Variants in NRXN1 observed in about 807,000 individuals in gnomAD.
NRXN1 encodes neurexin 1.
Under a neutral mutation model 150.9 loss-of-function variants are expected in NRXN1, and 39 were observed. That is an observed-to-expected ratio of 0.26 (90% CI 0.20 to 0.34). The LOEUF is 0.34. NRXN1 is among the 10% of genes least tolerant of loss of function. The probability of loss-of-function intolerance (pLI) is 1.00; values close to 1 mark genes in which losing one functional copy is unlikely to be tolerated. For synonymous variants in NRXN1, 924 were observed against 757.0 expected (o/e 1.22, Z -3.62); for missense variants, 1,815 against 1,949.9 (o/e 0.93, Z 1.30).
At chr2:50,110,624 T>C (rs1396361605) in intron 18 of NRXN1, among the ~76,000 whole-genome samples, 1 of 152,152 alleles carries the variant, frequency 6.6e-6, no homozygotes, top group Non-Finnish European at 1.5e-5. Context: ...TGTGTGCGTA[T>C]GTGCGTGCAA....
intron 5 of NRXN1, among the ~76,000 whole-genome samples, chr2:50,864,925 C>G (rs1469944353): frequency 6.6e-6 from 1 of 152,080 alleles, no homozygotes; most frequent in Admixed American, 6.6e-5. Context: ...AACAAGTTCT[C>G]AGGGAAGGTC....
intron 17 of NRXN1, among the ~76,000 whole-genome samples, chr2:50,279,509 A>G (rs2071115172): frequency 6.6e-6 from 1 of 152,170 alleles, no homozygotes. Context: ...TGTCTGCCCC[A>G]GGATCATAAT....
chr2:50,652,594 T>G lies in NRXN1; in HGVS notation c.833-28979A>C, dbSNP rs7590532. Among the ~76,000 whole-genome samples the G allele has an allele frequency of 1.9e-3, 294 of 152,202 alleles. 1 individual carries two copies. The highest frequency in any genetic ancestry group is 6.6e-3 in the African/African-American group (274 of 41,566). On this transcript the variant is annotated intron_variant, in intron 5 of 22. Coordinates refer to ENST00000401669, the MANE Select transcript of NRXN1 (RefSeq NM_001330078.2). ...TACATTTTGCTTGCTCACTCATCAG[T>G]TGATGCACATCTGTGCTATTTCTAC...
chr2:50,496,679 T>G (rs1445399545), intron 14 of NRXN1, among the ~76,000 whole-genome samples: 2 of 152,198 alleles, frequency 1.3e-5, no homozygotes, highest in Non-Finnish European at 2.9e-5. Context: ...TGTTGGTGTG[T>G]GTGGGTATGA....
At chr2:50,276,060 A>C (rs2152927201) in intron 17 of NRXN1, among the ~76,000 whole-genome samples, 1 of 152,048 alleles carries the variant, frequency 6.6e-6, no homozygotes, top group East Asian at 1.9e-4. Flanking sequence ...CAAAATGGAA[A>C]TATTTAAAGG....
chr2:50,139,257 C>T (rs1706885711), intron 18 of NRXN1, among the ~76,000 whole-genome samples: 1 of 141,550 alleles, frequency 7.1e-6, no homozygotes, highest in Non-Finnish European at 1.5e-5. Flanking sequence ...TCCTGGGAGG[C>T]AGAGGTTGCA....
intron 2 of NRXN1, among the ~76,000 whole-genome samples, chr2:51,001,241 G>C (rs984258322): frequency 3.8e-5 from 5 of 131,654 alleles, no homozygotes; most frequent in Admixed American, 8.3e-5. Context: ...GGTTGGGGGG[G>C]GGGGGCGTTT....
chr2:50,683,646 A>AAAAAAAAAAAAAAAAAAAAAAAAT, intron 5 of NRXN1, among the ~76,000 whole-genome samples: 1 of 14,906 alleles, frequency 6.7e-5, no homozygotes, highest in African/African-American at 3.6e-4. Flanking sequence ...AAAAAAAAAA[A>AAAAAAAAAAAAAAAAAAAAAAAAT]ATATATATAT....
At chr2:50,108,215 T>A (rs987992494) in intron 18 of NRXN1, among the ~76,000 whole-genome samples, 1 of 152,062 alleles carries the variant, frequency 6.6e-6, no homozygotes. Flanking sequence ...AAATTAGAAC[T>A]TCCTTATACA....
chr2:50,621,115 T>G, intron 7 of NRXN1, 111 bp downstream of exon 7: 1 of 895,722 alleles, frequency 1.1e-6, no homozygotes, highest in Non-Finnish European at 1.7e-6. Context: ...CCAACCGCAG[T>G]TCCTCTTTTG....
At chr2:50,884,577 C>T (rs1283697098) in intron 5 of NRXN1, among the ~76,000 whole-genome samples, 1 of 151,526 alleles carries the variant, frequency 6.6e-6, no homozygotes, top group African/African-American at 2.4e-5. Flanking sequence ...CCCCAGTATC[C>T]AGCATTGTAG....
At chr2:50,878,270 C>G (rs993301186) in intron 5 of NRXN1, among the ~76,000 whole-genome samples, 1 of 151,952 alleles carries the variant, frequency 6.6e-6, no homozygotes, top group African/African-American at 2.4e-5. Flanking sequence ...GTTCCAGGAA[C>G]CTGCAGGAAC....
intron 19 of NRXN1, among the ~76,000 whole-genome samples, chr2:50,074,249 T>C (rs1021328768): frequency 3.3e-5 from 5 of 152,166 alleles, no homozygotes; most frequent in African/African-American, 1.2e-4. Flanking sequence ...CACTAGATGA[T>C]GTATTCTTCA....
chr2:49,993,301 C>G (rs2152523126), intron 21 of NRXN1, among the ~76,000 whole-genome samples: 1 of 152,044 alleles, frequency 6.6e-6, no homozygotes, highest in East Asian at 1.9e-4. Context: ...GTGAAAGAAG[C>G]CAATATAAAA....
At chr2:50,355,043 T>C (rs1319215522) in intron 17 of NRXN1, among the ~76,000 whole-genome samples, 1 of 152,096 alleles carries the variant, frequency 6.6e-6, no homozygotes, top group African/African-American at 2.4e-5. Context: ...CCAGAAATCA[T>C]GTACCATATG....
intron 15 of NRXN1, among the ~76,000 whole-genome samples, chr2:50,488,039 T>C (rs1175428598): frequency 3.9e-5 from 6 of 152,160 alleles, no homozygotes; most frequent in Non-Finnish European, 7.3e-5. Flanking sequence ...ATCTAAACAT[T>C]TGGGTATCAC....
At chr2:50,623,661 T>C (rs200151215) in intron 5 of NRXN1, 46 bp from the exon 6 acceptor site, 59 of 1,399,524 alleles carry the variant, frequency 4.2e-5, no homozygotes, top group African/African-American at 2.4e-4. Flanking sequence ...AAATACACTA[T>C]GCAAATCAGC....
chr2:50,591,856 C>T (rs1221709506), intron 8 of NRXN1, among the ~76,000 whole-genome samples: 1 of 152,192 alleles, frequency 6.6e-6, no homozygotes, highest in Non-Finnish European at 1.5e-5. Flanking sequence ...GGCTTCCTTC[C>T]CTTGGCTATT....
chr2:50,773,192 C>T (rs895241992), intron 5 of NRXN1, among the ~76,000 whole-genome samples: 5 of 152,116 alleles, frequency 3.3e-5, no homozygotes, highest in Non-Finnish European at 5.9e-5. Context: ...TTATTGGTAG[C>T]ACTACTCCCC....
Sources: allele counts gnomAD v4.1 joint callset (sites outside exome capture counted in the v4.1 genomes callset), GRCh38; gene constraint gnomAD v4.1.1; transcripts MANE v1.5; gene names NCBI Gene and HGNC (gene_info 2026-07-23, HGNC 2026-07-21).